The following CPLX4 variants were observed in gnomAD, a reference collection of about 807,000 sequenced individuals.
The protein encoded by CPLX4 is complexin 4, also known as complexin-4.
Under a neutral mutation model 16.1 loss-of-function variants are expected in CPLX4, and 17 were observed. The observed-to-expected ratio is 1.06, with a 90% CI of 0.72 to 1.59. The LOEUF (loss-of-function observed/expected upper bound fraction) is 1.59. Ranked by LOEUF, CPLX4 falls within the 40% of genes most tolerant of loss-of-function variation. The pLI, the probability that CPLX4 is intolerant of heterozygous loss-of-function variation, is 0.00. For synonymous variants in CPLX4, 55 were observed against 57.8 expected, an observed-to-expected ratio of 0.95 and a Z score of 0.22; for missense variants, 193 against 192.9, an observed-to-expected ratio of 1.00 and a Z score of 0.00.
chr18:59,305,608 G>C (rs763671143), intron 2 of CPLX4, among the ~76,000 whole-genome samples: 1 of 152,188 alleles, frequency 6.6e-6, no homozygotes, highest in Non-Finnish European at 1.5e-5. Flanking sequence ...TGGAAGTGGA[G>C]CCTATAGGAG....
intron 2 of CPLX4, among the ~76,000 whole-genome samples, chr18:59,311,106 C>T (rs1297152554): frequency 5.3e-5 from 8 of 151,970 alleles, no homozygotes; most frequent in South Asian, 4.2e-4. Context: ...CTGCCTAGGG[C>T]GAGACCACAT....
chr18:59,305,246 G>T (rs1315878128), intron 2 of CPLX4, among the ~76,000 whole-genome samples: 1 of 152,100 alleles, frequency 6.6e-6, no homozygotes, highest in African/African-American at 2.4e-5. Flanking sequence ...AGGAGGAAGT[G>T]CTAGTCCAGG....
Position 59,296,832 on chromosome 18 carries a change from C to T in CPLX4, c.349G>A (p.Glu117Lys), listed in dbSNP as rs773108748. ...RKMVDEDQEE[E>K]EDKDSILGQI... ...CCAAGAATAGAATCTTTATCTTCTT[C>T]CTCTTCTTGATCTTCATCTACCATT... Residue 117 changes from glutamate (E) to lysine (K), a missense_variant, in exon 3 of 3, where the codon GAA (glutamate) becomes AAA (lysine). Physicochemically the swap from Glu to Lys is moderately conservative, Grantham distance 56 (BLOSUM62 1). Transcript: ENST00000299721. 9 of 1,613,758 alleles carry T rather than the reference C, an allele frequency of 5.6e-6. No homozygotes were observed. The highest frequency in any genetic ancestry group is 5.5e-5 in the South Asian group (5 of 90,958).
At chr18:59,304,948 T>C (rs1237491809) in intron 2 of CPLX4, among the ~76,000 whole-genome samples, 4 of 151,836 alleles carry the variant, frequency 2.6e-5, no homozygotes, top group Non-Finnish European at 5.9e-5. Context: ...TGTGTGTGTG[T>C]GTGTGTGTGT....
At position 59,304,866 on chromosome 18, in the gene CPLX4, G is replaced by A. The variant is rs12607716; in HGVS notation, c.255+7819C>T. ...ATTACAGGGGTGAGCCACTGCGCCCGGCCGGGCATTTTTCTTTCTTTTCTT... is the reference window on the plus strand; with the variant it reads ...ATTACAGGGGTGAGCCACTGCGCCCAGCCGGGCATTTTTCTTTCTTTTCTT... On this transcript the variant is annotated intron_variant, in intron 2 of 2. Coordinates refer to ENST00000299721, the MANE Select transcript of CPLX4 (RefSeq NM_181654.4). Among the ~76,000 whole-genome samples the A allele has an allele frequency of 9.5e-3, 1,450 of 152,046 alleles. 19 individuals are homozygous for A. The highest frequency in any genetic ancestry group is 0.07 in the East Asian group (359 of 5,164).
chr18:59,317,306 CAT>C (rs948279474), intron 1 of CPLX4, among the ~76,000 whole-genome samples: 1 of 152,034 alleles, frequency 6.6e-6, no homozygotes, highest in Non-Finnish European at 1.5e-5. Flanking sequence ...TCTTTTGAAA[CAT>C]ATGATAAACA....
intron 2 of CPLX4, among the ~76,000 whole-genome samples, chr18:59,304,463 C>T (rs2070562218): frequency 6.6e-6 from 1 of 152,184 alleles, no homozygotes; most frequent in South Asian, 2.1e-4. Context: ...TTATACAAAA[C>T]TACAATATCC....
At chr18:59,300,102 C>T (rs984542987) in intron 2 of CPLX4, among the ~76,000 whole-genome samples, 5 of 152,094 alleles carry the variant, frequency 3.3e-5, no homozygotes, top group African/African-American at 7.2e-5. Context: ...GAAGCTGAGG[C>T]GGGGGGATCA....
intron 2 of CPLX4, among the ~76,000 whole-genome samples, chr18:59,297,573 C>T (rs1246097361): frequency 6.6e-6 from 1 of 152,154 alleles, no homozygotes; most frequent in Non-Finnish European, 1.5e-5. Context: ...AGCCACCACT[C>T]CCAACCCCAT....
rs924359004 is a variant in CPLX4 at position 59,318,643 on chromosome 18, G to A, written c.-181C>T. 14 of 1,175,090 alleles carry A rather than the reference G, an allele frequency of 1.2e-5. No homozygotes were observed. Among genetic ancestry groups the A allele is most frequent in the East Asian group, 5.3e-5 (2 of 38,084 alleles). The allele number at this position is 1,175,090 out of a possible 1,614,324, so 72.8% of individuals were successfully genotyped here. On this transcript the variant is annotated 5_prime_UTR_variant, in exon 1 of 3. In the 5' UTR this introduces an upstream ATG that the reference lacks. Transcript: ENST00000299721. ...GATAGAGAAGAGTGGTTTGTCGGCC[G>A]TAAGCTGGATTAAAGTGGTGAACTC...
chr18:59,308,848 G>C (rs1221638762), intron 2 of CPLX4, among the ~76,000 whole-genome samples: 1 of 152,250 alleles, frequency 6.6e-6, no homozygotes, highest in Non-Finnish European at 1.5e-5. Flanking sequence ...AAGGGTCCCT[G>C]TACCCAGAGC....
chr18:59,303,014 G>A (rs942512658), intron 2 of CPLX4, among the ~76,000 whole-genome samples: 5 of 152,320 alleles, frequency 3.3e-5, no homozygotes, highest in Middle Eastern at 3.4e-3. Flanking sequence ...TTCATGTAGC[G>A]TGAGATTGAC....
At chr18:59,310,283 C>T (rs599535) in intron 2 of CPLX4, among the ~76,000 whole-genome samples, 40,942 of 152,048 alleles carry the variant, frequency 0.27, 5,619 homozygotes, top group Middle Eastern at 0.35. Context: ...CACAATCATT[C>T]TCCAGAGAGG....
chr18:59,309,837 A>AAAG (rs1555670152), intron 2 of CPLX4, among the ~76,000 whole-genome samples: 8 of 116,012 alleles, frequency 6.9e-5, no homozygotes, highest in Non-Finnish European at 9.7e-5. Flanking sequence ...AAAAAAAAAA[A>AAAG]AAAAAGAAAA....
chr18:59,305,912 G>T (rs1158002985), intron 2 of CPLX4, among the ~76,000 whole-genome samples: 2 of 152,174 alleles, frequency 1.3e-5, no homozygotes, highest in South Asian at 4.1e-4. Flanking sequence ...GAAGCAGTAC[G>T]AGAACAGGAA....
chr18:59,317,871 A>G (rs1603392522), intron 1 of CPLX4, among the ~76,000 whole-genome samples: 1 of 141,430 alleles, frequency 7.1e-6, no homozygotes, highest in Admixed American at 7.1e-5. Flanking sequence ...CCTCTATGTT[A>G]TTTTAGGCCC....
chr18:59,306,429 C>T (rs2070577294), intron 2 of CPLX4, among the ~76,000 whole-genome samples: 1 of 152,160 alleles, frequency 6.6e-6, no homozygotes, highest in Non-Finnish European at 1.5e-5. Flanking sequence ...TTGATTACTG[C>T]CCTTATTTAA....
intron 1 of CPLX4, among the ~76,000 whole-genome samples, chr18:59,317,409 C>T (rs1324885589): frequency 6.6e-6 from 1 of 152,098 alleles, no homozygotes; most frequent in Non-Finnish European, 1.5e-5. Context: ...ACAGAGATTA[C>T]ATTTATTTCA....
chr18:59,297,436 C>G (rs1453184822), intron 2 of CPLX4, among the ~76,000 whole-genome samples: 1 of 151,256 alleles, frequency 6.6e-6, no homozygotes, highest in Non-Finnish European at 1.5e-5. Flanking sequence ...CACCACCACA[C>G]TCAGCTGATT....
Sources: gnomAD v4.1 joint callset for allele counts (sites outside exome capture counted in the v4.1 genomes callset) on GRCh38, gnomAD v4.1.1 for gene constraint, MANE v1.5 for transcripts, NCBI Gene and HGNC (gene_info 2026-07-23, HGNC 2026-07-21) for gene names.